IFT43: variants seen among roughly 807,000 people sequenced by gnomAD.
The protein encoded by IFT43 is intraflagellar transport protein 43 homolog.
Under a neutral mutation model 32.3 loss-of-function variants are expected in IFT43, and 33 were observed. The ratio of observed to expected loss-of-function variants is 1.02; its 90% CI spans 0.77 to 1.37. The LOEUF (loss-of-function observed/expected upper bound fraction) is 1.37, where lower values mean the gene tolerates loss of function less well. Ranked by LOEUF, IFT43 falls within the 40% of genes most tolerant of loss-of-function variation. The pLI, the probability that IFT43 is intolerant of heterozygous loss-of-function variation, is 0.00. For synonymous variants in IFT43, 93 were observed against 98.2 expected (o/e 0.95, Z 0.31); for missense variants, 274 against 265.9 (o/e 1.03, Z -0.21).
At chr14:76,070,107 A>G (rs1479678873) in intron 5 of IFT43, among the ~76,000 whole-genome samples, 2 of 152,206 alleles carry the variant, frequency 1.3e-5, no homozygotes, top group African/African-American at 2.4e-5. Flanking sequence ...TTTTCTATCC[A>G]TGTCAACAGG....
chr14:75,993,587 A>G (rs1360775464), intron 2 of IFT43, among the ~76,000 whole-genome samples: 1 of 152,216 alleles, frequency 6.6e-6, no homozygotes, highest in Non-Finnish European at 1.5e-5. Flanking sequence ...GTTGCCTACA[A>G]CAGAAACAAC....
intron 3 of IFT43, among the ~76,000 whole-genome samples, chr14:76,045,739 C>T (rs538184017): frequency 1.2e-4 from 18 of 152,184 alleles, no homozygotes; most frequent in South Asian, 4.2e-4. Context: ...GTGAAAGTGA[C>T]GGTGAAGGGC....
intron 5 of IFT43, among the ~76,000 whole-genome samples, chr14:76,066,054 A>AAGTTGT (rs2037220129): frequency 6.6e-6 from 1 of 152,226 alleles, no homozygotes; most frequent in African/African-American, 2.4e-5. Context: ...TCCAGGCTCT[A>AAGTTGT]ACAAATGGTA....
chr14:76,013,719 C>A (rs531484379), intron 2 of IFT43: 1 of 346,642 alleles, frequency 2.9e-6, no homozygotes, highest in Non-Finnish European at 5.6e-6. Context: ...TGAAGAAATC[C>A]GCAAATGTGG....
chr14:76,020,048 C>G (rs1294790976), intron 2 of IFT43, among the ~76,000 whole-genome samples: 1 of 152,042 alleles, frequency 6.6e-6, no homozygotes, highest in Admixed American at 6.6e-5. Flanking sequence ...AATCTCAGCT[C>G]ACTGCAACCT....
chr14:76,016,548 T>C (rs755292338), intron 2 of IFT43, among the ~76,000 whole-genome samples: 6 of 152,200 alleles, frequency 3.9e-5, no homozygotes, highest in Non-Finnish European at 8.8e-5. Context: ...GGCCCTTTTG[T>C]GGTCCCATAT....
chr14:76,009,302 A>G (rs1594813328), intron 2 of IFT43, among the ~76,000 whole-genome samples: 1 of 152,376 alleles, frequency 6.6e-6, no homozygotes, highest in East Asian at 1.9e-4. Flanking sequence ...TTTCCTCATC[A>G]GTAAACTTAG....
At chr14:76,053,903 A>G (rs912691070) in intron 3 of IFT43, among the ~76,000 whole-genome samples, 3 of 152,174 alleles carry the variant, frequency 2.0e-5, no homozygotes, top group African/African-American at 7.2e-5. Flanking sequence ...TTGGGCGTGA[A>G]TTTCAGGATC....
At chr14:76,017,962 A>G (rs1031556774) in intron 2 of IFT43, among the ~76,000 whole-genome samples, 1 of 151,844 alleles carries the variant, frequency 6.6e-6, no homozygotes, top group Non-Finnish European at 1.5e-5. Flanking sequence ...TGGTCTAGCT[A>G]GCAGTTTACT....
chr14:75,994,562 G>C (rs1348501853), intron 2 of IFT43, among the ~76,000 whole-genome samples: 2 of 152,188 alleles, frequency 1.3e-5, no homozygotes, highest in African/African-American at 4.8e-5. Context: ...CCGGCACACA[G>C]AAACCCAAGG....
chr14:76,082,256 G>A (rs1208783616), intron 5 of IFT43, 39 bp from the exon 6 acceptor site: 1 of 1,589,818 alleles, frequency 6.3e-7, no homozygotes. Context: ...CAATCCCTAT[G>A]AGTTCTGCAG....
At chr14:76,079,973 A>G (rs1405416069) in intron 5 of IFT43, among the ~76,000 whole-genome samples, 1 of 152,198 alleles carries the variant, frequency 6.6e-6, no homozygotes. Context: ...AAGAAAAAAA[A>G]AATTCCCCAG....
chr14:76,056,290 G>A lies in IFT43; in HGVS notation c.216-2352G>A, dbSNP rs377010550. Among the ~76,000 whole-genome samples the A allele has an allele frequency of 4.5e-4, 68 of 152,336 alleles. 3 individuals are homozygous for A. In the South Asian group the frequency reaches 0.013, roughly 30 times the overall value. On this transcript the variant is annotated intron_variant, in intron 3 of 8. Transcript: ENST00000314067. Reference sequence around the variant, plus strand: ...CCACCTGAGGGCATCCCTGCTGCCCGTCCTTGAGGACTCCATTTGATCTTT... The same window carrying A: ...CCACCTGAGGGCATCCCTGCTGCCCATCCTTGAGGACTCCATTTGATCTTT...
chr14:76,053,301 G>T (rs891087608), intron 3 of IFT43, among the ~76,000 whole-genome samples: 1 of 152,124 alleles, frequency 6.6e-6, no homozygotes, highest in African/African-American at 2.4e-5. Context: ...ACAAAGGAAG[G>T]GTGGGCTGAG....
intron 2 of IFT43, among the ~76,000 whole-genome samples, chr14:76,019,054 T>C (rs1447499422): frequency 6.6e-6 from 1 of 152,094 alleles, no homozygotes; most frequent in African/African-American, 2.4e-5. Flanking sequence ...ATTAATTGTT[T>C]TCTGGTTGTT....
chr14:75,994,065 A>G (rs964708447), intron 2 of IFT43, among the ~76,000 whole-genome samples: 11 of 151,994 alleles, frequency 7.2e-5, no homozygotes, highest in African/African-American at 2.7e-4. Context: ...TTCAAAAATG[A>G]CATGTCAATT....
rs1037771144 is a variant in IFT43 at position 76,031,014 on chromosome 14, A to T, written c.215+8620A>T. Among the ~76,000 whole-genome samples the T allele has an allele frequency of 2.7e-5, 4 of 148,448 alleles. No homozygotes were observed. In the East Asian group the frequency reaches 7.8e-4, roughly 29 times the overall value. On this transcript the variant is annotated intron_variant, in intron 3 of 8. Transcript: ENST00000314067. ...TATACTTCTTTTTGGAAAAGTAAAC[A>T]TATGTGTATATATATATAATTATAT...
chr14:75,995,492 G>A (rs1260268178), intron 2 of IFT43, among the ~76,000 whole-genome samples: 1 of 152,082 alleles, frequency 6.6e-6, no homozygotes, highest in Admixed American at 6.5e-5. Context: ...AGATTCCCTC[G>A]CAGGAATCTG....
At chr14:76,076,851 G>T (rs1000433519) in intron 5 of IFT43, among the ~76,000 whole-genome samples, 14 of 152,106 alleles carry the variant, frequency 9.2e-5, no homozygotes, top group African/African-American at 3.4e-4. Flanking sequence ...TCACATCTTT[G>T]AAACCAGTTG....
Sources: allele counts gnomAD v4.1 joint callset (sites outside exome capture counted in the v4.1 genomes callset), GRCh38; gene constraint gnomAD v4.1.1; transcripts MANE v1.5; gene names NCBI Gene and HGNC (gene_info 2026-07-23, HGNC 2026-07-21).